NRG3: variants seen among roughly 807,000 people sequenced by gnomAD.
The protein encoded by NRG3 is neuregulin 3.
A neutral mutation model predicts 66.9 loss-of-function variants in NRG3; 31 were observed. The observed-to-expected ratio is 0.46, with a 90% CI of 0.35 to 0.63. NRG3 has a LOEUF of 0.63. NRG3 is among the 20% of genes least tolerant of loss of function. The pLI, the probability that NRG3 is intolerant of heterozygous loss-of-function variation, is 0.00. For synonymous variants in NRG3, 393 were observed against 359.4 expected (o/e 1.09, Z -1.06); for missense variants, 910 against 878.9 (o/e 1.04, Z -0.45).
At chr10:82,157,314 GA>G (rs1032480046) in intron 1 of NRG3, among the ~76,000 whole-genome samples, 3 of 151,668 alleles carry the variant, frequency 2.0e-5, no homozygotes, top group African/African-American at 7.2e-5. Context: ...AATGGTCATT[GA>G]AAAGTATAAA....
At chr10:82,476,763 A>G (rs1841822433) in intron 2 of NRG3, among the ~76,000 whole-genome samples, 1 of 152,166 alleles carries the variant, frequency 6.6e-6, no homozygotes, top group Non-Finnish European at 1.5e-5. Flanking sequence ...GGATGATGAA[A>G]AAGTTCTGGA....
intron 1 of NRG3, among the ~76,000 whole-genome samples, chr10:81,903,124 C>A (rs542966411): frequency 6.6e-6 from 1 of 152,210 alleles, no homozygotes; most frequent in South Asian, 2.1e-4. Context: ...TTCCATTTCC[C>A]CCCATGAACT....
chr10:81,956,012 G>T (rs1167509470), intron 1 of NRG3, among the ~76,000 whole-genome samples: 1 of 152,144 alleles, frequency 6.6e-6, no homozygotes, highest in East Asian at 1.9e-4. Flanking sequence ...CTTAGATGTG[G>T]CAGATTGTAT....
At chr10:82,402,816 G>A (rs2087208652) in intron 2 of NRG3, among the ~76,000 whole-genome samples, 1 of 152,100 alleles carries the variant, frequency 6.6e-6, no homozygotes. Context: ...CATCATTCCA[G>A]CAAAAATTGA....
At chr10:82,498,484 T>C (rs1843828842) in intron 2 of NRG3, among the ~76,000 whole-genome samples, 1 of 152,170 alleles carries the variant, frequency 6.6e-6, no homozygotes, top group African/African-American at 2.4e-5. Flanking sequence ...AGAAACCAAA[T>C]GTGACTTCTT....
intron 1 of NRG3, among the ~76,000 whole-genome samples, chr10:81,918,135 A>G (rs1845885184): frequency 6.6e-6 from 1 of 152,218 alleles, no homozygotes; most frequent in African/African-American, 2.4e-5. Flanking sequence ...CATTTTTAAG[A>G]AGCAGCTCTG....
intron 1 of NRG3, among the ~76,000 whole-genome samples, chr10:82,267,868 C>G (rs1384798518): frequency 6.6e-6 from 1 of 152,114 alleles, no homozygotes; most frequent in Non-Finnish European, 1.5e-5. Flanking sequence ...AGCAGAAACC[C>G]ATTTGAGATA....
At chr10:82,084,901 C>T (rs892505739) in intron 1 of NRG3, among the ~76,000 whole-genome samples, 1 of 152,064 alleles carries the variant, frequency 6.6e-6, no homozygotes, top group Admixed American at 6.5e-5. Context: ...ATGATGTTAC[C>T]ACTGCATGAA....
In NRG3 at chr10:82,885,200, G is replaced by T. The variant is rs1487291112; in HGVS notation, c.1054+19763G>T. Among the ~76,000 whole-genome samples, 4 of 152,226 alleles carry T rather than the reference G, an allele frequency of 2.6e-5. No individual in the cohort carries two copies. In the East Asian group the frequency reaches 7.7e-4, roughly 29 times the overall value. ...CTCTTTCTTTTTTGGAAAATGTATG[G>T]TTATGTATATATTTTACTACAGAGA... On this transcript the variant is annotated intron_variant, in intron 4 of 8. Coordinates refer to ENST00000372141, the MANE Select transcript of NRG3 (RefSeq NM_001010848.4).
At chr10:82,454,915 G>A (rs950946457) in intron 2 of NRG3, among the ~76,000 whole-genome samples, 1 of 152,190 alleles carries the variant, frequency 6.6e-6, no homozygotes, top group Non-Finnish European at 1.5e-5. Context: ...TACTCTCATT[G>A]AGTTTTCACA....
At chr10:82,335,762 T>G (rs1469159181) in intron 1 of NRG3, among the ~76,000 whole-genome samples, 1 of 152,170 alleles carries the variant, frequency 6.6e-6, no homozygotes, top group Non-Finnish European at 1.5e-5. Context: ...ATCAATACCC[T>G]AGTGGTTAAT....
chr10:82,063,750 A>G (rs1430141839), intron 1 of NRG3, among the ~76,000 whole-genome samples: 3 of 152,208 alleles, frequency 2.0e-5, no homozygotes, highest in African/African-American at 7.2e-5. Flanking sequence ...AAAGAACTAA[A>G]GAAAGAAAGT....
Position 82,668,494 on chromosome 10 carries a change from TA to T in NRG3, c.954-70082del, listed in dbSNP as rs550699726. 8.5e-5 allele frequency among the ~76,000 whole-genome samples: 13 copies of T among 152,334 alleles called. No homozygotes were observed. In the East Asian group the frequency reaches 2.3e-3, roughly 27 times the overall value. The stretch of plus-strand genomic sequence containing the variant: ...TATGAGTCATGAGTCTGCATATTAT[TA>T]GATTGGAGTTGTTCCTGCTAGATAC... On this transcript the variant is annotated intron_variant, in intron 2 of 8. Coordinates refer to ENST00000372141, the MANE Select transcript of NRG3 (RefSeq NM_001010848.4).
intron 1 of NRG3, among the ~76,000 whole-genome samples, chr10:82,169,817 G>GT (rs1168905865): frequency 6.6e-6 from 1 of 151,146 alleles, no homozygotes; most frequent in Non-Finnish European, 1.5e-5. Flanking sequence ...TTATTATTCT[G>GT]TTTTTTCTGA....
chr10:82,279,210 G>C (rs568050882), intron 1 of NRG3, among the ~76,000 whole-genome samples: 3 of 152,164 alleles, frequency 2.0e-5, no homozygotes, highest in Non-Finnish European at 4.4e-5. Flanking sequence ...CAGCGCCCAT[G>C]CTGGCCATTT....
intron 1 of NRG3, among the ~76,000 whole-genome samples, chr10:82,259,851 G>A (rs914705487): frequency 6.6e-6 from 1 of 152,046 alleles, no homozygotes; most frequent in African/African-American, 2.4e-5. Flanking sequence ...AGGATCACTT[G>A]AGGACAGGAG....
At chr10:82,953,378 T>C (rs905850668) in intron 5 of NRG3, among the ~76,000 whole-genome samples, 1 of 152,036 alleles carries the variant, frequency 6.6e-6, no homozygotes, top group Non-Finnish European at 1.5e-5. Context: ...TCACATGCTC[T>C]AAACCTCTAT....
At chr10:82,506,030 A>G (rs757925938) in intron 2 of NRG3, among the ~76,000 whole-genome samples, 13 of 152,124 alleles carry the variant, frequency 8.5e-5, no homozygotes, top group Non-Finnish European at 1.6e-4. Context: ...GGCGGACCAC[A>G]ATGTCAGGAG....
At chr10:81,899,833 C>T (rs1391761831) in intron 1 of NRG3, among the ~76,000 whole-genome samples, 2 of 152,198 alleles carry the variant, frequency 1.3e-5, no homozygotes, top group Admixed American at 6.5e-5. Context: ...TTGTCATACA[C>T]AGTCAGCAGC....
Sources: allele counts gnomAD v4.1 joint callset (sites outside exome capture counted in the v4.1 genomes callset), GRCh38; gene constraint gnomAD v4.1.1; transcripts MANE v1.5; gene names NCBI Gene and HGNC (gene_info 2026-07-23, HGNC 2026-07-21).